MDGA2: variants seen among roughly 807,000 people sequenced by gnomAD.
MDGA2 encodes MAM domain containing glycosylphosphatidylinositol anchor 2, also known as MAM domain-containing glycosylphosphatidylinositol anchor protein 2.
MDGA2 carries 40 observed loss-of-function variants against 117.8 expected under a neutral mutation model. That is an observed-to-expected ratio of 0.34 (90% confidence interval 0.26 to 0.44). The LOEUF (loss-of-function observed/expected upper bound fraction) is 0.44, where lower values mean the gene tolerates loss of function less well. MDGA2 is among the 20% of genes least tolerant of loss of function. The pLI is 1.00. For missense variants in MDGA2, 1,123 were observed against 1,250.6 expected (o/e 0.90, Z 1.54); for synonymous variants, 452 against 439.0 (o/e 1.03, Z -0.37).
At chr14:47,079,838 T>A (rs894037141) in intron 6 of MDGA2, among the ~76,000 whole-genome samples, 3 of 146,608 alleles carry the variant, frequency 2.0e-5, no homozygotes, top group African/African-American at 7.5e-5. Flanking sequence ...TTCACGCCAT[T>A]CTCCTGCCTC....
intron 8 of MDGA2, among the ~76,000 whole-genome samples, chr14:47,033,911 C>A (rs554510616): frequency 2.6e-5 from 4 of 152,240 alleles, no homozygotes; most frequent in African/African-American, 9.6e-5. Flanking sequence ...TGAAATAGTT[C>A]ATTCATTCTG....
At chr14:46,897,640 G>T (rs373696666) in intron 10 of MDGA2, among the ~76,000 whole-genome samples, 92,787 of 150,304 alleles carry the variant, frequency 0.62, 29,735 homozygotes, top group Admixed American at 0.73. Context: ...AGCACTTAAA[G>T]ATGTTTAACA....
intron 1 of MDGA2, among the ~76,000 whole-genome samples, chr14:47,399,513 C>T (rs1892087810): frequency 2.6e-5 from 4 of 152,140 alleles, no homozygotes; most frequent in South Asian, 2.1e-4. Context: ...TCAATCTCTT[C>T]GGGAACCTCA....
chr14:46,996,162 T>C (rs1475124696), intron 8 of MDGA2, among the ~76,000 whole-genome samples: 1 of 152,204 alleles, frequency 6.6e-6, no homozygotes, highest in Non-Finnish European at 1.5e-5. Context: ...TTTTATTGTC[T>C]AAGTTTTGCC....
At chr14:47,195,179 C>G (rs962086286) in intron 3 of MDGA2, among the ~76,000 whole-genome samples, 1 of 151,916 alleles carries the variant, frequency 6.6e-6, no homozygotes, top group African/African-American at 2.4e-5. Flanking sequence ...TTCATGTGCA[C>G]TTTACTTATA....
chr14:47,372,130 A>C (rs538317009), intron 1 of MDGA2, among the ~76,000 whole-genome samples: 13 of 152,006 alleles, frequency 8.6e-5, no homozygotes, highest in African/African-American at 3.1e-4. Flanking sequence ...ACATAGTATT[A>C]GTTGAAATGC....
intron 1 of MDGA2, among the ~76,000 whole-genome samples, chr14:47,407,610 G>A (rs148791091): frequency 6.6e-6 from 1 of 152,180 alleles, no homozygotes; most frequent in Non-Finnish European, 1.5e-5. Flanking sequence ...CTTAGAGAAG[G>A]ATATGGGAAT....
At chr14:46,960,599 A>C (rs1885755471) in intron 8 of MDGA2, 2 of 152,078 alleles carry the variant, frequency 1.3e-5, no homozygotes, top group East Asian at 3.9e-4. Context: ...TGGGGAAGTA[A>C]ATAAAGGTCT....
chr14:46,932,178 T>TTAGCATAAAGAACGA (rs575898148), intron 9 of MDGA2, among the ~76,000 whole-genome samples: 96 of 152,140 alleles, frequency 6.3e-4, no homozygotes, highest in African/African-American at 2.2e-3. Context: ...TTAATATGTG[T>TTAGCATAAAGAACGA]TAGCATAAAG....
intron 6 of MDGA2, among the ~76,000 whole-genome samples, chr14:47,085,820 T>C (rs1890875612): frequency 1.3e-5 from 2 of 152,120 alleles, no homozygotes; most frequent in Non-Finnish European, 2.9e-5. Flanking sequence ...CTTATATTTA[T>C]TATAAAAAGT....
At chr14:47,058,596 G>C in intron 7 of MDGA2, 1 of 985,006 alleles carries the variant, frequency 1.0e-6, no homozygotes, top group Non-Finnish European at 1.2e-6. Context: ...TCATATTAAA[G>C]CACTTTAGTC....
chr14:47,003,079 A>C (rs868512802), intron 8 of MDGA2, among the ~76,000 whole-genome samples: 1 of 152,076 alleles, frequency 6.6e-6, no homozygotes, highest in Admixed American at 6.6e-5. Flanking sequence ...TTCTAGAATT[A>C]ATGCAACTTG....
At chr14:47,173,206 C>A (rs973999411) in intron 3 of MDGA2, among the ~76,000 whole-genome samples, 2 of 152,080 alleles carry the variant, frequency 1.3e-5, no homozygotes, top group Non-Finnish European at 2.9e-5. Context: ...GAGAATGGAA[C>A]CAAGTTGGAA....
intron 1 of MDGA2, among the ~76,000 whole-genome samples, chr14:47,382,531 A>G (rs1891660271): frequency 1.3e-5 from 2 of 152,200 alleles, no homozygotes; most frequent in African/African-American, 4.8e-5. Context: ...AAACCCATCA[A>G]AAAGTGGGTG....
intron 1 of MDGA2, among the ~76,000 whole-genome samples, chr14:47,457,812 G>GTTTTTTTTTTT (rs34337535): frequency 7.0e-6 from 1 of 143,670 alleles, no homozygotes; most frequent in Non-Finnish European, 1.5e-5. Flanking sequence ...ATTTTTTTCT[G>GTTTTTTTTTTT]TTTTTTTTTT....
At chr14:46,916,412 C>T (rs954408406) in intron 10 of MDGA2, among the ~76,000 whole-genome samples, 1 of 151,632 alleles carries the variant, frequency 6.6e-6, no homozygotes, top group African/African-American at 2.4e-5. Flanking sequence ...GCAATAAATT[C>T]CTTTAGAATG....
chr14:46,959,340 T>C (rs1203015152), intron 8 of MDGA2, among the ~76,000 whole-genome samples: 1 of 151,434 alleles, frequency 6.6e-6, no homozygotes, highest in Non-Finnish European at 1.5e-5. Flanking sequence ...AACATTATCA[T>C]GGCTACATTG....
intron 2 of MDGA2, among the ~76,000 whole-genome samples, chr14:47,292,200 A>G (rs1309180047): frequency 1.3e-5 from 2 of 152,326 alleles, no homozygotes; most frequent in East Asian, 3.9e-4. Context: ...CTTCACTCTT[A>G]AAGCTTTGAC....
At chr14:47,269,768 C>G (rs184064879) in intron 2 of MDGA2, among the ~76,000 whole-genome samples, 1 of 152,112 alleles carries the variant, frequency 6.6e-6, no homozygotes. Context: ...GAGAAAAATT[C>G]AGTAGAAATA....
Sources: gnomAD v4.1 joint callset for allele counts (sites outside exome capture counted in the v4.1 genomes callset) on GRCh38, gnomAD v4.1.1 for gene constraint, MANE v1.5 for transcripts, NCBI Gene and HGNC (gene_info 2026-07-23, HGNC 2026-07-21) for gene names.